PIWIL4: variants seen among roughly 807,000 people sequenced by gnomAD.
PIWIL4 encodes the protein piwi-like protein 4.
In PIWIL4, 50 loss-of-function variants were observed where a neutral mutation model predicts 100.9. The ratio of observed to expected loss-of-function variants is 0.50; its 90% CI spans 0.39 to 0.63. PIWIL4 has a LOEUF of 0.63. PIWIL4 is among the 20% of genes least tolerant of loss of function. The probability of loss-of-function intolerance (pLI) is 0.00; values close to 1 mark genes in which losing one functional copy is unlikely to be tolerated. For missense variants in PIWIL4, 887 were observed against 1,043.3 expected (o/e 0.85, Z 2.06); for synonymous variants, 342 against 367.5 (o/e 0.93, Z 0.79).
chr11:94,619,715 A>G (rs1948885660), intron 17 of PIWIL4, 45 bp from the exon 18 acceptor site: 2 of 1,575,366 alleles, frequency 1.3e-6, no homozygotes, highest in Admixed American at 1.9e-5. Flanking sequence ...AAAGCTATAT[A>G]GATTGGATTG....
intron 16 of PIWIL4, 64 bp from the exon 17 acceptor site, chr11:94,617,890 G>A (rs753745228): frequency 2.2e-5 from 34 of 1,543,430 alleles, no homozygotes; most frequent in Non-Finnish European, 3.0e-5. Flanking sequence ...GCAATATATG[G>A]GAATGTTATT....
At position 94,587,110 on chromosome 11, in the gene PIWIL4, T is replaced by C; in HGVS notation, c.777T>C (p.Phe259=). 1 of 1,614,094 alleles carries C rather than the reference T, an allele frequency of 6.2e-7. No homozygotes were observed. Among genetic ancestry groups the C allele is most frequent in the Non-Finnish European group, 8.5e-7 (1 of 1,179,958 alleles). ...SVSYFERKLL[F]SADVSYKVLR... is the part of the protein sequence containing the mutation. ...CATATTTTGAAAGGAAGCTCCTGTT[T>C]AGTGCTGATGTGAGTTACAAAGTCC... Residue 259 remains phenylalanine, a synonymous_variant, in exon 7 of 20, where the codon TTT becomes TTC. Coordinates refer to ENST00000299001, the MANE Select transcript of PIWIL4 (RefSeq NM_152431.3).
chr11:94,587,149 G>A lies in PIWIL4; in HGVS notation c.816G>A (p.Thr272=), dbSNP rs748700342. Residue 272 remains threonine, a synonymous_variant, in exon 7 of 20, where the codon ACG becomes ACA. Coordinates refer to ENST00000299001, the MANE Select transcript of PIWIL4 (RefSeq NM_152431.3). ...GTTACAAAGTCCTCCGGAATGAGAC[G>A]GTTCTGGAATTCATGACTGCTCTCT... ...DVSYKVLRNE[T]VLEFMTALCQ... is the part of the protein sequence containing the mutation. 5.5e-5 allele frequency: 89 copies of A among 1,613,938 alleles called. No homozygotes were observed. Among genetic ancestry groups the A allele is most frequent in the Non-Finnish European group, 6.9e-5 (82 of 1,179,946 alleles).
At chr11:94,582,291 G>C (rs938960641) in intron 4 of PIWIL4, among the ~76,000 whole-genome samples, 1 of 152,138 alleles carries the variant, frequency 6.6e-6, no homozygotes, top group Non-Finnish European at 1.5e-5. Context: ...CATCCCTTCT[G>C]TCTGCCAGAG....
intron 8 of PIWIL4, among the ~76,000 whole-genome samples, chr11:94,590,668 A>T (rs1948471543): frequency 6.6e-6 from 1 of 152,164 alleles, no homozygotes; most frequent in South Asian, 2.1e-4. Context: ...TCAGATAGGA[A>T]TGATTTTGCT....
intron 10 of PIWIL4, 99 bp downstream of exon 10, chr11:94,595,525 T>C: frequency 2.1e-6 from 2 of 974,086 alleles, no homozygotes; most frequent in Non-Finnish European, 3.1e-6. Context: ...GTGTCATTCA[T>C]ATTGATTCAG....
Position 94,618,078 on chromosome 11 carries a change from C to T in PIWIL4, c.2139C>T (p.Ser713=). The change falls in exon 17 of 20, where the codon AGC becomes AGT. Residue 713 remains serine (S), a synonymous_variant. Coordinates refer to ENST00000299001, the MANE Select transcript of PIWIL4 (RefSeq NM_152431.3). ...AATATGAAGTCCCACAGCTGCTGAG[C>T]AGTGTGGCAGAATCCAGCTCAAATA... ...LIEYEVPQLL[S]SVAESSSNTS... is the part of the protein sequence containing the mutation. 2 of 1,586,182 alleles carry T rather than the reference C, an allele frequency of 1.3e-6. No homozygotes were observed. Among genetic ancestry groups the T allele is most frequent in the East Asian group, 2.3e-5 (1 of 43,972 alleles).
chr11:94,615,618 G>GT (rs1402001078), intron 15 of PIWIL4, among the ~76,000 whole-genome samples: 3 of 152,060 alleles, frequency 2.0e-5, no homozygotes, highest in East Asian at 1.9e-4. Context: ...TTTTGTTGTT[G>GT]TTTTTTACAA....
At chr11:94,609,573 G>C (rs1416250939) in intron 15 of PIWIL4, among the ~76,000 whole-genome samples, 1 of 152,124 alleles carries the variant, frequency 6.6e-6, no homozygotes, top group Non-Finnish European at 1.5e-5. Context: ...CAGGTTGTAT[G>C]AGATGCTTCT....
At chr11:94,579,408 TTAC>T (rs1445497789) in intron 4 of PIWIL4, among the ~76,000 whole-genome samples, 2 of 150,354 alleles carry the variant, frequency 1.3e-5, no homozygotes, top group African/African-American at 5.0e-5. Context: ...AATGTTACAA[TTAC>T]TACAAGAAAA....
chr11:94,604,417 G>GT (rs2135287472), intron 13 of PIWIL4, among the ~76,000 whole-genome samples: 1 of 152,246 alleles, frequency 6.6e-6, no homozygotes, highest in South Asian at 2.1e-4. Context: ...GGAGGGTTAG[G>GT]TTTTTCCAAG....
intron 8 of PIWIL4, 147 bp from the exon 9 acceptor site, chr11:94,593,371 G>A (rs749127992): frequency 9.1e-5 from 61 of 673,234 alleles, no homozygotes; most frequent in Middle Eastern, 4.5e-4. Context: ...GATAGGTCCT[G>A]GGAAGAAAGT....
intron 11 of PIWIL4, among the ~76,000 whole-genome samples, chr11:94,599,812 T>C (rs1591795225): frequency 6.6e-6 from 1 of 152,342 alleles, no homozygotes; most frequent in East Asian, 1.9e-4. Flanking sequence ...CACAGCTTTC[T>C]AGTTTGTAAA....
chr11:94,577,179 A>G (rs1319865607), intron 3 of PIWIL4, 99 bp from the exon 4 acceptor site: 14 of 969,050 alleles, frequency 1.4e-5, no homozygotes, highest in Non-Finnish European at 2.0e-5. Context: ...CTTTAAAGCA[A>G]CTACTATGCA....
intron 15 of PIWIL4, among the ~76,000 whole-genome samples, chr11:94,613,729 A>G (rs768516377): frequency 2.0e-4 from 30 of 152,076 alleles, no homozygotes; most frequent in Admixed American, 5.2e-4. Flanking sequence ...GATATTTTCT[A>G]TTGCTTTTAT....
At chr11:94,586,022 C>G (rs1457228458) in intron 6 of PIWIL4, among the ~76,000 whole-genome samples, 4 of 152,014 alleles carry the variant, frequency 2.6e-5, no homozygotes, top group Admixed American at 6.6e-5. Flanking sequence ...ACTTAGCTCT[C>G]AAAAATACTG....
At chr11:94,601,380 G>A (rs564635834) in intron 11 of PIWIL4, among the ~76,000 whole-genome samples, 1 of 152,274 alleles carries the variant, frequency 6.6e-6, no homozygotes, top group East Asian at 1.9e-4. Context: ...ATGACCTAGA[G>A]TATTGATAAT....
chr11:94,585,450 T>C lies in PIWIL4; in HGVS notation c.641T>C (p.Leu214Pro), dbSNP rs1948385745. The change falls in exon 6 of 20, where the codon CTC becomes CCC. Residue 214 changes from leucine to proline, a missense_variant. Leu to Pro is a moderately conservative substitution (Grantham distance 98). Coordinates refer to ENST00000299001, the MANE Select transcript of PIWIL4 (RefSeq NM_152431.3). ...TCAAAAAAATATACTTGCAGGATCC[T>C]CAAAAAGTTGTCCATGTACCAAATT... The part of the protein sequence containing the change: ...QVFNIIFRKI[L>P]KKLSMYQIGR... 2 of 1,607,128 alleles carry C rather than the reference T, an allele frequency of 1.2e-6. No individual in the cohort carries two copies. Among genetic ancestry groups the C allele is most frequent in the Non-Finnish European group, 1.7e-6 (2 of 1,177,452 alleles).
At position 94,585,425 on chromosome 11, in the gene PIWIL4, T is replaced by G. The variant is rs1253886403; in HGVS notation, c.636-20T>G. On this transcript the variant is annotated intron_variant, in intron 5 of 19. Transcript: ENST00000299001. Reference sequence around the variant, plus strand: ...TTACTGACTGATATTTACCAAAAATTCAAAAAAATATACTTGCAGGATCCT... The same window carrying G: ...TTACTGACTGATATTTACCAAAAATGCAAAAAAATATACTTGCAGGATCCT... 1 of 1,584,432 alleles carries G rather than the reference T, an allele frequency of 6.3e-7. No homozygotes were observed. Among genetic ancestry groups the G allele is most frequent in the East Asian group, 2.2e-5 (1 of 44,508 alleles).
Sources: gnomAD v4.1 joint callset for allele counts (sites outside exome capture counted in the v4.1 genomes callset) on GRCh38, gnomAD v4.1.1 for gene constraint, MANE v1.5 for transcripts, NCBI Gene and HGNC (gene_info 2026-07-23, HGNC 2026-07-21) for gene names.